Variants in CSMD1 observed in about 807,000 individuals in gnomAD.
CSMD1 encodes the protein CUB and sushi domain-containing protein 1.
A neutral mutation model predicts 417.5 loss-of-function variants in CSMD1; 213 were observed. That is an observed-to-expected ratio of 0.51 (90% CI 0.46 to 0.57). The LOEUF (loss-of-function observed/expected upper bound fraction) is 0.57, where lower values mean the gene tolerates loss of function less well. CSMD1 is among the 20% of genes least tolerant of loss of function. The pLI, the probability that CSMD1 is intolerant of heterozygous loss-of-function variation, is 0.00. For missense variants in CSMD1, 6,923 were observed against 4,529.7 expected, an observed-to-expected ratio of 1.53 and a Z score of -15.17; for synonymous variants, 2,862 against 1,736.8, an observed-to-expected ratio of 1.65 and a Z score of -16.11.
chr8:3,272,212 C>G (rs1005060627), intron 26 of CSMD1, among the ~76,000 whole-genome samples: 2 of 147,162 alleles, frequency 1.4e-5, no homozygotes, highest in South Asian at 2.2e-4. Flanking sequence ...GCTTGTTTTA[C>G]TCAGGTTTGT....
chr8:4,876,032 GA>G (rs560654152), intron 1 of CSMD1, among the ~76,000 whole-genome samples: 7 of 151,984 alleles, frequency 4.6e-5, no homozygotes, highest in African/African-American at 9.7e-5. Context: ...TTAGTAAGGG[GA>G]AAAAACCTAT....
intron 3 of CSMD1, among the ~76,000 whole-genome samples, chr8:4,216,970 T>C (rs779041913): frequency 4.4e-4 from 67 of 152,148 alleles, no homozygotes; most frequent in Non-Finnish European, 3.2e-4. Context: ...TGTCCTAGGA[T>C]AGGTCCCCAC....
At chr8:3,390,372 A>AG (rs1811278212) in intron 17 of CSMD1, among the ~76,000 whole-genome samples, 1 of 151,304 alleles carries the variant, frequency 6.6e-6, no homozygotes, top group Non-Finnish European at 1.5e-5. Context: ...AAAAAAAAAA[A>AG]AAAAAAAGGA....
chr8:4,330,412 G>A (rs1365559541), intron 3 of CSMD1, among the ~76,000 whole-genome samples: 2 of 151,984 alleles, frequency 1.3e-5, no homozygotes, highest in East Asian at 1.9e-4. Context: ...TGACCAACAT[G>A]AAGAAATCCC....
chr8:4,777,331 G>C (rs1796904453), intron 1 of CSMD1, among the ~76,000 whole-genome samples: 1 of 152,208 alleles, frequency 6.6e-6, no homozygotes, highest in Non-Finnish European at 1.5e-5. Flanking sequence ...ACTAGTAAAT[G>C]AGAGAGTGCC....
At position 3,926,108 on chromosome 8, in the gene CSMD1, C is replaced by G. The variant is rs60692626; in HGVS notation, c.818+71795G>C. Among the ~76,000 whole-genome samples the G allele has an allele frequency of 6.7e-4, 53 of 79,230 alleles. 4 individuals are homozygous for G. Among genetic ancestry groups the G allele is most frequent in the African/African-American group, 3.2e-3 (52 of 16,110 alleles). 52.0% of individuals were successfully genotyped at this position (79,230 alleles called of 152,430 possible). On this transcript the variant is annotated intron_variant, in intron 5 of 69. Transcript: ENST00000635120. ...ACACACACACACACACACACACACA[C>G]ACACACACACACACACACACACACT... is the stretch of plus-strand genomic sequence containing the variant.
At chr8:3,705,243 G>A (rs1167835559) in intron 7 of CSMD1, among the ~76,000 whole-genome samples, 1 of 152,208 alleles carries the variant, frequency 6.6e-6, no homozygotes, top group Non-Finnish European at 1.5e-5. Context: ...CTGAAATCCA[G>A]AGGGACATGA....
At chr8:4,720,962 G>A (rs1372577801) in intron 1 of CSMD1, among the ~76,000 whole-genome samples, 2 of 152,076 alleles carry the variant, frequency 1.3e-5, no homozygotes, top group East Asian at 1.9e-4. Context: ...AGCTTGCCCT[G>A]CCTACTTCAC....
chr8:3,542,094 G>T (rs1257484932), intron 10 of CSMD1, among the ~76,000 whole-genome samples: 2 of 152,116 alleles, frequency 1.3e-5, no homozygotes, highest in Non-Finnish European at 1.5e-5. Flanking sequence ...GTGCTCTATA[G>T]TCTTTAAAAA....
chr8:3,599,149 G>GTGTGTCTC (rs35919818), intron 8 of CSMD1, among the ~76,000 whole-genome samples: 1 of 146,408 alleles, frequency 6.8e-6, no homozygotes, highest in Non-Finnish European at 1.5e-5. Context: ...GTGTGTGTGT[G>GTGTGTCTC]TCTGTGTGTG....
intron 3 of CSMD1, among the ~76,000 whole-genome samples, chr8:4,375,775 T>A (rs1404787264): frequency 6.6e-6 from 1 of 152,152 alleles, no homozygotes; most frequent in Non-Finnish European, 1.5e-5. Flanking sequence ...GTACAGTGAT[T>A]TCCCCCTCTT....
At chr8:3,918,227 T>C (rs1337110060) in intron 5 of CSMD1, among the ~76,000 whole-genome samples, 1 of 152,116 alleles carries the variant, frequency 6.6e-6, no homozygotes, top group Admixed American at 6.6e-5. Flanking sequence ...TGGGGATTGC[T>C]GGGTCATATG....
intron 3 of CSMD1, among the ~76,000 whole-genome samples, chr8:4,081,223 C>A (rs908452652): frequency 6.6e-6 from 1 of 152,130 alleles, no homozygotes. Context: ...TGTTATGCAG[C>A]AGGAACAGTC....
chr8:3,577,674 T>G (rs1297055639), intron 9 of CSMD1, among the ~76,000 whole-genome samples: 1 of 152,206 alleles, frequency 6.6e-6, no homozygotes, highest in Non-Finnish European at 1.5e-5. Context: ...CTAACTGTAA[T>G]TATGTAATTC....
At chr8:3,088,208 G>T (rs1187785957) in intron 48 of CSMD1, among the ~76,000 whole-genome samples, 1 of 152,148 alleles carries the variant, frequency 6.6e-6, no homozygotes, top group African/African-American at 2.4e-5. Flanking sequence ...ATGGCTAAAA[G>T]TCTCTGCATC....
chr8:4,265,221 T>G (rs1391877710), intron 3 of CSMD1, among the ~76,000 whole-genome samples: 1 of 152,090 alleles, frequency 6.6e-6, no homozygotes, highest in Non-Finnish European at 1.5e-5. Flanking sequence ...AATTATTTAG[T>G]TACAAATTGT....
intron 4 of CSMD1, among the ~76,000 whole-genome samples, chr8:4,009,042 T>C (rs1325944073): frequency 6.6e-6 from 1 of 152,198 alleles, no homozygotes; most frequent in Non-Finnish European, 1.5e-5. Flanking sequence ...TTTTTAAAAA[T>C]ATTTTTCCTT....
chr8:4,974,183 A>T (rs1219492546), intron 1 of CSMD1, among the ~76,000 whole-genome samples: 2 of 145,578 alleles, frequency 1.4e-5, no homozygotes, highest in Non-Finnish European at 3.0e-5. Flanking sequence ...CACCCAGCTA[A>T]TTTTTTTTTT....
chr8:3,751,918 G>A (rs1382102820), intron 6 of CSMD1, among the ~76,000 whole-genome samples: 3 of 152,180 alleles, frequency 2.0e-5, no homozygotes, highest in African/African-American at 7.2e-5. Flanking sequence ...CAACCTAACT[G>A]ACTATAGGAT....
Sources: gnomAD v4.1 joint callset for allele counts (sites outside exome capture counted in the v4.1 genomes callset) on GRCh38, gnomAD v4.1.1 for gene constraint, MANE v1.5 for transcripts, NCBI Gene and HGNC (gene_info 2026-07-23, HGNC 2026-07-21) for gene names.